MARS1: variants seen among roughly 807,000 people sequenced by gnomAD.
The protein encoded by MARS1 is methionyl-tRNA synthetase 1, also known as methionine--tRNA ligase, cytoplasmic.
MARS1 carries 80 observed loss-of-function variants against 119.5 expected under a neutral mutation model. That is an observed-to-expected ratio of 0.67 (90% confidence interval 0.56 to 0.81). MARS1 has a LOEUF of 0.81. MARS1 is among the 30% of genes least tolerant of loss of function. The probability of loss-of-function intolerance (pLI) is 0.00; values close to 1 mark genes in which losing one functional copy is unlikely to be tolerated. For missense variants in MARS1, 945 were observed against 1,116.5 expected, an observed-to-expected ratio of 0.85 and a Z score of 2.19; for synonymous variants, 418 against 433.4, an observed-to-expected ratio of 0.96 and a Z score of 0.44.
Position 57,500,379 on chromosome 12 carries a change from G to A in MARS1, c.1150G>A (p.Val384Met), listed in dbSNP as rs146585001. Reference protein sequence around the residue: ...LKRGFVLQDTVEQLRCEHCAR... With the variant: ...LKRGFVLQDTMEQLRCEHCAR... Reference sequence around the variant, plus strand: ...ACGAGGTTTTGTGCTGCAAGATACTGTGGAGCAACTGCGATGTGAGCACTG... The same window carrying A: ...ACGAGGTTTTGTGCTGCAAGATACTATGGAGCAACTGCGATGTGAGCACTG... Residue 384 changes from valine (V) to methionine (M), a missense_variant, in exon 10 of 21, where the codon GTG becomes ATG. By Grantham distance (21) the Val-to-Met change is conservative. Transcript: ENST00000262027. 1.2e-6 allele frequency: 2 copies of A among 1,614,236 alleles called. No homozygotes were observed.
intron 1 of MARS1, chr12:57,488,629 C>A (rs1288670968): frequency 6.4e-7 from 1 of 1,550,914 alleles, no homozygotes; most frequent in African/African-American, 1.4e-5. Flanking sequence ...CATTCTCAGC[C>A]GATTGTTTGG....
At chr12:57,499,019 C>T (rs1204009681) in intron 9 of MARS1, among the ~76,000 whole-genome samples, 2 of 152,142 alleles carry the variant, frequency 1.3e-5, no homozygotes, top group Admixed American at 6.6e-5. Flanking sequence ...TGCAGTGGCT[C>T]ATACCTGTAA....
At chr12:57,512,399 G>T in intron 14 of MARS1, 46 bp downstream of exon 14, 1 of 1,340,796 alleles carries the variant, frequency 7.5e-7, no homozygotes, top group South Asian at 1.2e-5. Context: ...TAGGAAATGA[G>T]GGGTGAGGCA....
intron 11 of MARS1, among the ~76,000 whole-genome samples, chr12:57,505,992 C>A (rs1220112566): frequency 6.6e-6 from 1 of 151,710 alleles, no homozygotes; most frequent in African/African-American, 2.4e-5. Flanking sequence ...CAGTGGCTCA[C>A]GCGTTAATCC....
intron 16 of MARS1, 25 bp from the exon 17 acceptor site, chr12:57,514,929 C>T (rs1877710606): frequency 6.2e-7 from 1 of 1,613,922 alleles, no homozygotes; most frequent in Admixed American, 1.7e-5. Flanking sequence ...GACATTACAC[C>T]TTGGCCTGCT....
rs35924774 is a variant in MARS1, at chr12:57,499,284, C to CAAA, written c.1091+682_1091+684dup. ...GGGCAACAAGAGCAAAACTCTGTCT[C>CAAA]AAAAAAAAAAAAAAAAAAAAAAAGG... On this transcript the variant is annotated intron_variant, in intron 9 of 20. Transcript: ENST00000262027. 2.4e-4 allele frequency among the ~76,000 whole-genome samples: 9 copies of CAAA among 37,868 alleles called. No homozygotes were observed. In the East Asian group the frequency reaches 2.9e-3, roughly 12 times the overall value. 24.8% of individuals were successfully genotyped at this position (37,868 alleles called of 152,430 possible).
chr12:57,513,137 G>A (rs1408700960), intron 15 of MARS1, among the ~76,000 whole-genome samples, 173 bp downstream of exon 15: 3 of 152,202 alleles, frequency 2.0e-5, no homozygotes, highest in Admixed American at 1.3e-4. Context: ...GGCTATGTGT[G>A]CTTGATGGAA....
chr12:57,500,779 C>A (rs1876882635), intron 10 of MARS1, among the ~76,000 whole-genome samples: 1 of 152,048 alleles, frequency 6.6e-6, no homozygotes. Flanking sequence ...ATCACACCAC[C>A]TGATCTACAT....
In MARS1 at chr12:57,490,078, C is replaced by G. The variant is rs377485893; in HGVS notation, c.490+107C>G. ...TTCAAGGTACAGCTTGACTGGGCAA[C>G]TATAGCAGAAGATGGTTGAGGGAAC... On this transcript the variant is annotated intron_variant, in intron 5 of 20. Transcript: ENST00000262027. 5.5e-6 allele frequency: 8 copies of G among 1,442,240 alleles called. No homozygotes were observed. In the African/African-American group the frequency reaches 7.0e-5, roughly 13 times the overall value. The allele number at this position is 1,442,240 out of a possible 1,614,324, so 89.3% of individuals were successfully genotyped here. A position where few individuals can be genotyped will look rare whatever the true frequency, so the allele number is the denominator to read the frequency against.
intron 4 of MARS1, 129 bp downstream of exon 4, chr12:57,489,687 A>G: frequency 7.5e-7 from 1 of 1,331,202 alleles, no homozygotes; most frequent in Non-Finnish European, 1.0e-6. Context: ...AAATCACTTA[A>G]TCTCTCTAAT....
Position 57,514,741 on chromosome 12 carries a change from G to C in MARS1, c.1989G>C (p.Lys663Asn). The change falls in exon 16 of 21, where the codon AAG becomes AAC. Residue 663 changes from lysine to asparagine, a missense_variant. Physicochemically the swap from Lys to Asn is moderately conservative, Grantham distance 94 (BLOSUM62 0). Transcript: ENST00000262027. The stretch of plus-strand genomic sequence containing the variant: ...CAAGAGCTGGGATGTTTGTGTCTAA[G>C]TTCTTTGGGGGCTATGTGCCTGAGA... ...FINRAGMFVS[K>N]FFGGYVPEMV... The C allele has an allele frequency of 6.2e-7, 1 of 1,614,198 alleles. No homozygotes were observed. Among genetic ancestry groups the C allele is most frequent in the East Asian group, 2.2e-5 (1 of 44,890 alleles).
At chr12:57,493,376 ATT>A (rs377146313) in intron 7 of MARS1, among the ~76,000 whole-genome samples, 5 of 27,658 alleles carry the variant, frequency 1.8e-4, no homozygotes, top group East Asian at 1.4e-3. Flanking sequence ...TATAATATAT[ATT>A]ATATAATATA....
At position 57,516,617 on chromosome 12, in the gene MARS1, A is replaced by G. The variant is rs370566486; in HGVS notation, c.*36A>G. On this transcript the variant is annotated 3_prime_UTR_variant, in exon 21 of 21. Transcript: ENST00000262027. ...CTCATAGAAAGTCACTTTAATAGAT[A>G]GGGACAGTAATAAATAAATGTACAA... The G allele has an allele frequency of 1.5e-5, 23 of 1,543,988 alleles. No individual in the cohort carries two copies. The African/African-American group carries it at 2.9e-4, about 20-fold the overall frequency.
At chr12:57,515,357 C>T in intron 18 of MARS1, 21 bp downstream of exon 18, 1 of 1,607,024 alleles carries the variant, frequency 6.2e-7, no homozygotes, top group Non-Finnish European at 8.5e-7. Flanking sequence ...GAGCCAGCCT[C>T]TCTTAAAATT....
chr12:57,515,900 C>G lies in MARS1; in HGVS notation c.2392-20C>G, dbSNP rs185969747. On this transcript the variant is annotated intron_variant, in intron 18 of 20. Transcript: ENST00000262027. ...GTCTGTATCCAATCAGTAGATGATT[C>G]TGGAACTCTTTTTTTACAGGTCAGT... is the stretch of plus-strand genomic sequence containing the variant. The G allele has an allele frequency of 6.2e-7, 1 of 1,601,412 alleles. No individual in the cohort carries two copies. The highest frequency in any genetic ancestry group is 8.6e-7 in the Non-Finnish European group (1 of 1,169,440).
intron 11 of MARS1, among the ~76,000 whole-genome samples, chr12:57,506,400 G>A (rs887278674): frequency 2.4e-4 from 36 of 152,216 alleles, no homozygotes; most frequent in Admixed American, 1.4e-3. Flanking sequence ...CTGCATTCCA[G>A]TCTGGGCAGC....
chr12:57,513,614 C>CAAAA (rs34526594), intron 15 of MARS1, among the ~76,000 whole-genome samples: 2 of 74,412 alleles, frequency 2.7e-5, no homozygotes, highest in East Asian at 5.2e-4. Context: ...GATCCTGTCT[C>CAAAA]AAAAAAAAAA....
Position 57,516,423 on chromosome 12 carries a change from C to A in MARS1, c.2557-12C>A, listed in dbSNP as rs189933911. ...TGCCTCACTGTTACCTCCCCACCCC[C>A]CTTTATCTTAGGGAAACATTGTCCG... On this transcript the variant is annotated splice_polypyrimidine_tract_variant and intron_variant, in intron 20 of 20. Transcript: ENST00000262027. 70 of 1,612,928 alleles carry A rather than the reference C, an allele frequency of 4.3e-5. No homozygotes were observed. In the South Asian group the frequency reaches 6.5e-4, roughly 15 times the overall value.
chr12:57,507,602 G>T lies in MARS1; in HGVS notation c.1368+3303G>T, dbSNP rs565498706. 3.3e-3 allele frequency among the ~76,000 whole-genome samples: 467 copies of T among 140,852 alleles called. 4 individuals carry two copies. Among genetic ancestry groups the T allele is most frequent in the Middle Eastern group, 0.011 (3 of 262 alleles). The allele number at this position is 140,852 out of a possible 152,430, so 92.4% of individuals were successfully genotyped here. On this transcript the variant is annotated intron_variant, in intron 11 of 20. Transcript: ENST00000262027. ...ACCTCCCGGACGGGGCGGCTGGCCG[G>T]GCGGGGGTCTGGCCCCCCACCTCCC...
Sources: gnomAD v4.1 joint callset for allele counts (sites outside exome capture counted in the v4.1 genomes callset) on GRCh38, gnomAD v4.1.1 for gene constraint, MANE v1.5 for transcripts, NCBI Gene and HGNC (gene_info 2026-07-23, HGNC 2026-07-21) for gene names.